TMEM59L: variants seen among roughly 807,000 people sequenced by gnomAD.
TMEM59L encodes the protein transmembrane protein 59 like.
TMEM59L carries 31 observed loss-of-function variants against 39.6 expected under a neutral mutation model. That is an observed-to-expected ratio of 0.78 (90% CI 0.59 to 1.06). TMEM59L has a LOEUF of 1.06. Among genes scored for constraint, TMEM59L ranks in the 50% least tolerant of loss-of-function variants. The probability of loss-of-function intolerance (pLI) is 0.00; values close to 1 mark genes in which losing one functional copy is unlikely to be tolerated. For missense variants in TMEM59L, 441 were observed against 451.3 expected (o/e 0.98, Z 0.21); for synonymous variants, 219 against 202.9 (o/e 1.08, Z -0.68).
Position 18,618,361 on chromosome 19 carries a change from G to A in TMEM59L, c.783-14G>A, listed in dbSNP as rs1404558800. 6.2e-7 allele frequency: 1 copy of A among 1,609,692 alleles called. No individual in the cohort carries two copies. The highest frequency in any genetic ancestry group is 1.1e-5 in the South Asian group (1 of 90,776). ...CGGCCTGGGCAGCTGAGTGGTGCCT[G>A]CCGGGCGGGGCAGGCGCTCGGGTCT... is the stretch of plus-strand genomic sequence containing the variant. On this transcript the variant is annotated splice_polypyrimidine_tract_variant and intron_variant, in intron 6 of 7. Coordinates refer to ENST00000262817, the MANE Select transcript of TMEM59L (RefSeq NM_012109.3).
chr19:18,619,571 G>A lies in TMEM59L; in HGVS notation c.901-837G>A, dbSNP rs544491811. Reference sequence around the variant, plus strand: ...TGTAATCCCAGCACTTTGGGAGGCCGAGGTGGGCGGATCACGAGGTCAAGA... The same window carrying A: ...TGTAATCCCAGCACTTTGGGAGGCCAAGGTGGGCGGATCACGAGGTCAAGA... On this transcript the variant is annotated intron_variant, in intron 7 of 7. Coordinates refer to ENST00000262817, the MANE Select transcript of TMEM59L (RefSeq NM_012109.3). Among the ~76,000 whole-genome samples, 1,053 of 152,224 alleles carry A rather than the reference G, an allele frequency of 6.9e-3. 8 individuals carry two copies. The highest frequency in any genetic ancestry group is 0.012 in the Non-Finnish European group (812 of 68,014).
At chr19:18,613,506 C>G (rs1862645) in intron 1 of TMEM59L, among the ~76,000 whole-genome samples, 72,280 of 150,110 alleles carry the variant, frequency 0.48, 17,451 homozygotes, top group East Asian at 0.62. Context: ...CTACTCATAC[C>G]ACCACTCCCC....
Position 18,614,171 on chromosome 19 carries a change from C to T in TMEM59L, c.384C>T (p.Pro128=). 1 of 1,605,672 alleles carries T rather than the reference C, an allele frequency of 6.2e-7. No homozygotes were observed. The highest frequency in any genetic ancestry group is 8.5e-7 in the Non-Finnish European group (1 of 1,177,480). The change falls in exon 3 of 8, where the codon CCC becomes CCT. Residue 128 remains proline, a synonymous_variant. Transcript: ENST00000262817. ...GTAGCCACGGCTGCTGGAGCCAGCC[C>T]GCGGAGCCTGAGCCGGAGCAGAAGG... ...QACSHGCWSQ[P]AEPEPEQKRK...
Position 18,615,980 on chromosome 19 carries a change from G to T in TMEM59L, c.414G>T (p.Lys138Asn), listed in dbSNP as rs1976422856. The T allele has an allele frequency of 6.2e-7, 1 of 1,613,172 alleles. No homozygotes were observed. Among genetic ancestry groups the T allele is most frequent in the Non-Finnish European group, 8.5e-7 (1 of 1,179,612 alleles). ...PAEPEPEQKR[K>N]VLEAPSGALS... The stretch of plus-strand genomic sequence containing the variant: ...CTTGGACCTTTTTTCACCAGAGAAA[G>T]GTCCTGGAGGCTCCAAGTGGGGCCC... Residue 138 changes from lysine (K) to asparagine (N), a missense_variant, in exon 4 of 8, where the codon AAG becomes AAT. Transcript: ENST00000262817.
chr19:18,613,010 G>T lies in TMEM59L; in HGVS notation c.52G>T (p.Ala18Ser). ...GCCGCTGCTGCTGCTGCTGCTGTTG[G>T]CGTCGCCGCCCGCCGCCTCCGCGCC... ...PPPLLLLLLL[A>S]SPPAASAPSA... The change falls in exon 1 of 8, where the codon GCG (alanine) becomes TCG (serine). Residue 18 changes from alanine (A) to serine (S), a missense_variant. Physicochemically the swap from Ala to Ser is moderately conservative, Grantham distance 99. Coordinates refer to ENST00000262817, the MANE Select transcript of TMEM59L (RefSeq NM_012109.3). The T allele has an allele frequency of 7.2e-7, 1 of 1,383,334 alleles. No individual in the cohort carries two copies. Among genetic ancestry groups the T allele is most frequent in the Non-Finnish European group, 9.3e-7 (1 of 1,070,774 alleles). The allele number at this position is 1,383,334 out of a possible 1,614,324, so 85.7% of individuals were successfully genotyped here. A position where few individuals can be genotyped will look rare whatever the true frequency, so the allele number is the denominator to read the frequency against.
At position 18,614,006 on chromosome 19, in the gene TMEM59L, G is replaced by A. The variant is rs201654639; in HGVS notation, c.306G>A (p.Glu102=). ...RSSKPNATQT[E]CEAACVEAYV... ...CCAAGCCCAATGCCACCCAAACTGA[G>A]TGTGAAGCAGGTGAGGGCCCGCCGG... The change falls in exon 2 of 8, where the codon GAG becomes GAA. Residue 102 remains glutamate, a synonymous_variant. Transcript: ENST00000262817. 7.0e-5 allele frequency: 113 copies of A among 1,613,268 alleles called. No individual in the cohort carries two copies. The highest frequency in any genetic ancestry group is 9.1e-5 in the Non-Finnish European group (107 of 1,180,022).
Position 18,613,068 on chromosome 19 carries a change from G to T in TMEM59L, c.110G>T (p.Gly37Val). 2.2e-6 allele frequency: 3 copies of T among 1,376,566 alleles called. No homozygotes were observed. The highest frequency in any genetic ancestry group is 2.8e-6 in the Non-Finnish European group (3 of 1,067,546). 85.3% of individuals were successfully genotyped at this position (1,376,566 alleles called of 1,614,324 possible). ...SARDPFAPQLGDTQNCQLRCR... is the reference protein window; with the variant it reads ...SARDPFAPQLVDTQNCQLRCR... ...CGCGATCCCTTCGCCCCCCAGCTCG[G>T]GGACACGCAGAACTGCCAGCTGCGG... Residue 37 changes from glycine (G) to valine (V), a missense_variant, in exon 1 of 8, where the codon GGG becomes GTG. Transcript: ENST00000262817.
chr19:18,620,018 CACAA>C (rs1268621598), intron 7 of TMEM59L, among the ~76,000 whole-genome samples: 5 of 131,500 alleles, frequency 3.8e-5, no homozygotes, highest in Non-Finnish European at 6.5e-5. Context: ...CACACACACA[CACAA>C]AAGTCCAGGT....
rs1976387648 is a variant in TMEM59L, at chr19:18,613,066, C to T, written c.108C>T (p.Leu36=). 1 of 1,377,844 alleles carries T rather than the reference C, an allele frequency of 7.3e-7. No homozygotes were observed. Among genetic ancestry groups the T allele is most frequent in the African/African-American group, 1.5e-5 (1 of 66,058 alleles). 85.4% of individuals were successfully genotyped at this position (1,377,844 alleles called of 1,614,324 possible). The change falls in exon 1 of 8, where the codon CTC becomes CTT. Residue 36 remains leucine (L), a synonymous_variant. Coordinates refer to ENST00000262817, the MANE Select transcript of TMEM59L (RefSeq NM_012109.3). Reference sequence around the variant, plus strand: ...CCCGCGATCCCTTCGCCCCCCAGCTCGGGGACACGCAGAACTGCCAGCTGC... The same window carrying T: ...CCCGCGATCCCTTCGCCCCCCAGCTTGGGGACACGCAGAACTGCCAGCTGC... ...PSARDPFAPQ[L]GDTQNCQLRC...
In TMEM59L at chr19:18,614,154, G is replaced by T; in HGVS notation, c.367G>T (p.Gly123Cys). ...GGCAGAGCAGCAGGCCTGTAGCCAC[G>T]GCTGCTGGAGCCAGCCCGCGGAGCC... ...KEAEQQACSHGCWSQPAEPEP... is the reference protein window; with the variant it reads ...KEAEQQACSHCCWSQPAEPEP... Residue 123 changes from glycine to cysteine, a missense_variant, in exon 3 of 8, where the codon GGC (glycine) becomes TGC (cysteine). By Grantham distance (159) the Gly-to-Cys change is radical (BLOSUM62 -3). Transcript: ENST00000262817. The T allele has an allele frequency of 6.2e-7, 1 of 1,609,208 alleles. No homozygotes were observed. The highest frequency in any genetic ancestry group is 8.5e-7 in the Non-Finnish European group (1 of 1,178,818).
intron 4 of TMEM59L, among the ~76,000 whole-genome samples, 198 bp from the exon 5 acceptor site, chr19:18,616,802 G>T (rs1026781147): frequency 1.3e-5 from 2 of 152,130 alleles, no homozygotes; most frequent in African/African-American, 2.4e-5. Flanking sequence ...TCCTACTTCT[G>T]GAGCTAAAGG....
At chr19:18,617,493 C>G (rs1348084455) in intron 5 of TMEM59L, 1 of 463,140 alleles carries the variant, frequency 2.2e-6, no homozygotes, top group African/African-American at 2.0e-5. Flanking sequence ...GGTTCACTTT[C>G]CAGGGTTCTG....
At position 18,614,171 on chromosome 19, in the gene TMEM59L, C is replaced by G. The variant is rs1018134292; in HGVS notation, c.384C>G (p.Pro128=). ...GTAGCCACGGCTGCTGGAGCCAGCC[C>G]GCGGAGCCTGAGCCGGAGCAGAAGG... ...QACSHGCWSQ[P]AEPEPEQKRK... The change falls in exon 3 of 8, where the codon CCC becomes CCG. Residue 128 remains proline, a synonymous_variant. Transcript: ENST00000262817. 1.2e-6 allele frequency: 2 copies of G among 1,605,554 alleles called. No homozygotes were observed. Among genetic ancestry groups the G allele is most frequent in the East Asian group, 2.2e-5 (1 of 44,668 alleles).
intron 7 of TMEM59L, among the ~76,000 whole-genome samples, chr19:18,620,150 A>C (rs1239976253): frequency 6.6e-6 from 1 of 151,216 alleles, no homozygotes; most frequent in Non-Finnish European, 1.5e-5. Flanking sequence ...AATAATACAA[A>C]AATTAGCTGG....
rs753695467 is a variant in TMEM59L at position 18,616,037 on chromosome 19, C to T, written c.471C>T (p.Cys157=). ...TCTTGGACTTGTTTTCCACCCTCTG[C>T]AATGACCTTGTCAACTCAGCCCAGG... is the stretch of plus-strand genomic sequence containing the variant. ...LSLLDLFSTL[C]NDLVNSAQGF... is the part of the protein sequence containing the mutation. Residue 157 remains cysteine (C), a synonymous_variant, in exon 4 of 8, where the codon TGC becomes TGT. Transcript: ENST00000262817. 13 of 1,614,006 alleles carry T rather than the reference C, an allele frequency of 8.1e-6. No homozygotes were observed. The Admixed American group carries it at 1.7e-4, about 21-fold the overall frequency.
chr19:18,616,233 C>A (rs966623727), intron 4 of TMEM59L, 106 bp downstream of exon 4: 2 of 1,391,724 alleles, frequency 1.4e-6, no homozygotes, highest in Non-Finnish European at 9.9e-7. Context: ...CCACAGTGGG[C>A]GAGCTTCAGG....
Position 18,614,002 on chromosome 19 carries a change from CTG to C in TMEM59L, c.303_304del (p.Glu102ValfsTer2), listed in dbSNP as rs768514060. The C allele has an allele frequency of 5.8e-5, 93 of 1,613,314 alleles. No homozygotes were observed. Among genetic ancestry groups the C allele is most frequent in the Non-Finnish European group, 7.5e-5 (88 of 1,180,034 alleles). On this transcript the variant is annotated frameshift_variant, in exon 2 of 8. Coordinates refer to ENST00000262817, the MANE Select transcript of TMEM59L (RefSeq NM_012109.3). LOFTEE classifies it high-confidence loss of function. ...AGCTCCAAGCCCAATGCCACCCAAA[CTG>C]AGTGTGAAGCAGGTGAGGGCCCGCC...
intron 4 of TMEM59L, 87 bp from the exon 5 acceptor site, chr19:18,616,896 CTGGGTATCAGCTGGGCG>C: frequency 1.2e-6 from 1 of 824,108 alleles, no homozygotes; most frequent in Non-Finnish European, 2.0e-6. Context: ...CCCAGGGGAA[CTGGGTATCAGCTGGGCG>C]TGGGACATGG....
chr19:18,618,139 G>A lies in TMEM59L; in HGVS notation c.665-16G>A. 6.2e-7 allele frequency: 1 copy of A among 1,600,416 alleles called. No individual in the cohort carries two copies. Among genetic ancestry groups the A allele is most frequent in the Non-Finnish European group, 8.6e-7 (1 of 1,167,930 alleles). On this transcript the variant is annotated splice_polypyrimidine_tract_variant and intron_variant, in intron 5 of 7. Transcript: ENST00000262817. ...GCAAAGACCTGGTGGTCGCTGAGTG[G>A]CAGCTGATCTCTCAGACCCTGTAGG...
Sources: gnomAD v4.1 joint callset for allele counts (sites outside exome capture counted in the v4.1 genomes callset) on GRCh38, gnomAD v4.1.1 for gene constraint, MANE v1.5 for transcripts, NCBI Gene and HGNC (gene_info 2026-07-23, HGNC 2026-07-21) for gene names.